Variants in SP3 observed in about 807,000 individuals in gnomAD.
SP3 encodes the protein Sp3 transcription factor, also known as transcription factor Sp3.
SP3 carries 10 observed loss-of-function variants against 70.3 expected under a neutral mutation model. That is an observed-to-expected ratio of 0.14 (90% CI 0.09 to 0.24). The LOEUF (loss-of-function observed/expected upper bound fraction) is 0.24, where lower values mean the gene tolerates loss of function less well. SP3 is among the 10% of genes least tolerant of loss of function. The pLI is 1.00. For synonymous variants in SP3, 402 were observed against 333.5 expected, an observed-to-expected ratio of 1.21 and a Z score of -2.24; for missense variants, 825 against 914.6, an observed-to-expected ratio of 0.90 and a Z score of 1.26.
chr2:173,961,540 A>G (rs905701087), intron 3 of SP3, among the ~76,000 whole-genome samples: 1 of 152,216 alleles, frequency 6.6e-6, no homozygotes, highest in Admixed American at 6.5e-5. Context: ...ATGTCATACC[A>G]ATGTTCATGT....
intron 4 of SP3, among the ~76,000 whole-genome samples, chr2:173,947,495 G>A (rs577341871): frequency 2.6e-5 from 4 of 151,730 alleles, no homozygotes; most frequent in African/African-American, 7.3e-5. Context: ...GATGCACTCC[G>A]ATTTCAAAAA....
chr2:173,942,480 C>T (rs575930639), intron 4 of SP3, among the ~76,000 whole-genome samples: 23 of 152,268 alleles, frequency 1.5e-4, no homozygotes, highest in Admixed American at 1.4e-3. Context: ...GCAGGAGAAA[C>T]GCTTGAACCC....
At chr2:173,957,130 C>G (rs1690921183) in intron 3 of SP3, among the ~76,000 whole-genome samples, 1 of 152,044 alleles carries the variant, frequency 6.6e-6, no homozygotes, top group African/African-American at 2.4e-5. Context: ...TAAAGAAACT[C>G]ACTACCTAAT....
intron 3 of SP3, among the ~76,000 whole-genome samples, chr2:173,956,988 G>A (rs942567666): frequency 1.3e-5 from 2 of 151,860 alleles, no homozygotes; most frequent in African/African-American, 4.8e-5. Context: ...GATAATCTAG[G>A]GTTTCATTAT....
chr2:173,954,866 G>C lies in SP3; in HGVS notation c.1639+7C>G. 6.2e-7 allele frequency: 1 copy of C among 1,608,172 alleles called. No individual in the cohort carries two copies. The highest frequency in any genetic ancestry group is 8.5e-7 in the Non-Finnish European group (1 of 1,175,184). On this transcript the variant is annotated splice_region_variant and intron_variant, in intron 4 of 6. Transcript: ENST00000310015. ...TTATTTATGGCATGACATAACTTAAGACTCACCTGCAGGACTGTCAGCATT... is the reference window on the plus strand; with the variant it reads ...TTATTTATGGCATGACATAACTTAACACTCACCTGCAGGACTGTCAGCATT...
At position 173,964,595 on chromosome 2, in the gene SP3, G is replaced by A. The variant is rs576434456; in HGVS notation, c.8-42C>T. 918 of 651,122 alleles carry A rather than the reference G, an allele frequency of 1.4e-3. 12 individuals carry two copies. The African/African-American group carries it at 0.015, about 11-fold the overall frequency. The allele number at this position is 651,122 out of a possible 1,614,324, so 40.3% of individuals were successfully genotyped here. A position where few individuals can be genotyped will look rare whatever the true frequency, so the allele number is the denominator to read the frequency against. On this transcript the variant is annotated intron_variant, in intron 1 of 6. Coordinates refer to ENST00000310015, the MANE Select transcript of SP3 (RefSeq NM_003111.5). ...GGGGGGTGGGGGTGGGGAGGAAGGC[G>A]GGTGGCGGAGAGGGAGGGGGCCCGC...
intron 4 of SP3, among the ~76,000 whole-genome samples, chr2:173,944,310 G>A (rs1374816669): frequency 6.6e-6 from 1 of 152,214 alleles, no homozygotes; most frequent in Non-Finnish European, 1.5e-5. Context: ...AAGGCAAGCG[G>A]ACTGCTTGAG....
intron 1 of SP3, 92 bp downstream of exon 1, chr2:173,965,069 GGGGC>G (rs1691249959): frequency 6.7e-7 from 1 of 1,489,222 alleles, no homozygotes. Flanking sequence ...TCGCACACAC[GGGGC>G]CGAGACCGGC....
chr2:173,949,515 TCCAA>T, intron 4 of SP3, among the ~76,000 whole-genome samples: 1 of 152,040 alleles, frequency 6.6e-6, no homozygotes, highest in Non-Finnish European at 1.5e-5. Flanking sequence ...TACTTTCCTA[TCCAA>T]CCGTGAGAAT....
At chr2:173,944,790 A>T (rs1690484207) in intron 4 of SP3, among the ~76,000 whole-genome samples, 1 of 152,198 alleles carries the variant, frequency 6.6e-6, no homozygotes, top group African/African-American at 2.4e-5. Flanking sequence ...AAAAAAATTA[A>T]AGAGAAAAGT....
rs970052013 is a variant in SP3 at position 173,909,363 on chromosome 2, T to C, written c.*578A>G. 6.6e-6 allele frequency: 1 copy of C among 152,546 alleles called. No homozygotes were observed. The highest frequency in any genetic ancestry group is 2.4e-5 in the African/African-American group (1 of 41,460). 9.4% of individuals were successfully genotyped at this position (152,546 alleles called of 1,614,324 possible). A position where few individuals can be genotyped will look rare whatever the true frequency, so the allele number is the denominator to read the frequency against. On this transcript the variant is annotated 3_prime_UTR_variant, in exon 7 of 7. Transcript: ENST00000310015. Reference sequence around the variant, plus strand: ...TAGAGTTCCATGTTAAAATGTAGTTTTCAAAATCTTACAAGAGTAATGCTT... The same window carrying C: ...TAGAGTTCCATGTTAAAATGTAGTTCTCAAAATCTTACAAGAGTAATGCTT...
chr2:173,964,320 G>A (rs1290278339), intron 2 of SP3, 85 bp downstream of exon 2: 83 of 610,880 alleles, frequency 1.4e-4, no homozygotes, highest in African/African-American at 5.8e-4. Flanking sequence ...AGGAGGGAGG[G>A]GTGAGGCGAG....
Position 173,965,231 on chromosome 2 carries a change from A to AGGCGGC in SP3, c.-66_-61dup. On this transcript the variant is annotated 5_prime_UTR_variant, in exon 1 of 7. Coordinates refer to ENST00000310015, the MANE Select transcript of SP3 (RefSeq NM_003111.5). ...CCGCCTTACACATGGTGAGGAGCGA[A>AGGCGGC]GGCGGCGGCGGCGGGAGAGGATGCG... The AGGCGGC allele has an allele frequency of 1.3e-6, 2 of 1,524,520 alleles. No individual in the cohort carries two copies. The highest frequency in any genetic ancestry group is 1.2e-5 in the South Asian group (1 of 82,636). The allele number at this position is 1,524,520 out of a possible 1,614,324, so 94.4% of individuals were successfully genotyped here. A position where few individuals can be genotyped will look rare whatever the true frequency, so the allele number is the denominator to read the frequency against.
intron 4 of SP3, among the ~76,000 whole-genome samples, chr2:173,943,470 T>C (rs967312179): frequency 4.6e-5 from 7 of 152,190 alleles, no homozygotes; most frequent in African/African-American, 1.7e-4. Context: ...TCCATGGTTA[T>C]TCCATAACTC....
Position 173,956,460 on chromosome 2 carries a change from G to A in SP3, c.280-228C>T, listed in dbSNP as rs138515543. Among the ~76,000 whole-genome samples, 223 of 152,090 alleles carry A rather than the reference G, an allele frequency of 1.5e-3. 2 individuals are homozygous for A. The highest frequency in any genetic ancestry group is 3.2e-3 in the Admixed American group (49 of 15,296). On this transcript the variant is annotated intron_variant, in intron 3 of 6. Transcript: ENST00000310015. ...TTTGAGTGGGATAAAAAAAATTCTC[G>A]GAATGTTCATCACAACCACAGACCA... is the stretch of plus-strand genomic sequence containing the variant.
intron 6 of SP3, among the ~76,000 whole-genome samples, chr2:173,911,444 C>T (rs1689479978): frequency 6.6e-6 from 1 of 152,188 alleles, no homozygotes; most frequent in African/African-American, 2.4e-5. Flanking sequence ...TCTCTTGTAA[C>T]ATTAGTCCTG....
At chr2:173,944,538 T>A (rs115779627) in intron 4 of SP3, among the ~76,000 whole-genome samples, 1 of 152,102 alleles carries the variant, frequency 6.6e-6, no homozygotes, top group Non-Finnish European at 1.5e-5. Flanking sequence ...AACTGTTAAG[T>A]TGAATACAAA....
rs1347626211 is a variant in SP3 at position 173,902,402 on chromosome 2, T to C, written c.*7539A>G. ...GGAATATAATTTGGTATGCATGTTA[T>C]GGAGATCAATTTGGAAGTATCTGGT... On this transcript the variant is annotated 3_prime_UTR_variant, in exon 7 of 7. Coordinates refer to ENST00000310015, the MANE Select transcript of SP3 (RefSeq NM_003111.5). Among the ~76,000 whole-genome samples, 2 of 152,218 alleles carry C rather than the reference T, an allele frequency of 1.3e-5. No individual in the cohort carries two copies. Among genetic ancestry groups the C allele is most frequent in the African/African-American group, 4.8e-5 (2 of 41,464 alleles).
At chr2:173,939,297 T>C (rs1690294969) in intron 4 of SP3, among the ~76,000 whole-genome samples, 3 of 152,140 alleles carry the variant, frequency 2.0e-5, no homozygotes. Context: ...GATACCAAAA[T>C]GATGTATTGG....
Sources: allele counts gnomAD v4.1 joint callset (sites outside exome capture counted in the v4.1 genomes callset), GRCh38; gene constraint gnomAD v4.1.1; transcripts MANE v1.5; gene names NCBI Gene and HGNC (gene_info 2026-07-23, HGNC 2026-07-21).